Variants in CLEC4A observed in about 807,000 individuals in gnomAD.
The protein encoded by CLEC4A is C-type (calcium dependent, carbohydrate-recognition domain) lectin, superfamily member 6.
In CLEC4A, 27 loss-of-function variants were observed where a neutral mutation model predicts 32.7. That is an observed-to-expected ratio of 0.83 (90% CI 0.61 to 1.14). The LOEUF (loss-of-function observed/expected upper bound fraction) is 1.14. Ranked by LOEUF, CLEC4A falls within the 50% of genes most tolerant of loss-of-function variation. The pLI, the probability that CLEC4A is intolerant of heterozygous loss-of-function variation, is 0.00. For synonymous variants in CLEC4A, 89 were observed against 93.7 expected (o/e 0.95, Z 0.29); for missense variants, 253 against 274.6 (o/e 0.92, Z 0.55).
intron 1 of CLEC4A, among the ~76,000 whole-genome samples, chr12:8,124,673 A>G (rs1333777242): frequency 2.0e-5 from 3 of 152,204 alleles, no homozygotes; most frequent in Admixed American, 6.5e-5. Context: ...GGTCAGGACT[A>G]TAGTTACGCT....
chr12:8,133,143 C>T (rs1020014346), intron 3 of CLEC4A, among the ~76,000 whole-genome samples: 1 of 152,054 alleles, frequency 6.6e-6, no homozygotes, highest in African/African-American at 2.4e-5. Flanking sequence ...TCAAACTTCT[C>T]ATCTCAGGTG....
At chr12:8,111,921 ATATGTGTGTGTGTG>A in the CLEC4A span, among the ~76,000 whole-genome samples, 16 of 109,664 alleles carry the variant, frequency 1.5e-4, no homozygotes, top group South Asian at 2.8e-4. Flanking sequence ...GTGAGTGTGT[ATATGTGTGTGTGTG>A]TGTGTGTGTG....
upstream of CLEC4A, among the ~76,000 whole-genome samples, chr12:8,122,058 T>A (rs1395518646): frequency 6.6e-6 from 1 of 152,010 alleles, no homozygotes; most frequent in East Asian, 1.9e-4. Flanking sequence ...GTCCATGTGG[T>A]GGGGTAGCCC....
Position 8,129,369 on chromosome 12 carries a change from A to C in CLEC4A, c.298+7A>C. On this transcript the variant is annotated splice_region_variant and intron_variant, in intron 3 of 5. Transcript: ENST00000229332. ...AAAAATATGCCCGTGGAAGGTAAAA[A>C]TTAATGTGCCTAGAATTCAGTTGCT... 6.4e-7 allele frequency: 1 copy of C among 1,555,938 alleles called. No individual in the cohort carries two copies. Among genetic ancestry groups the C allele is most frequent in the Non-Finnish European group, 8.9e-7 (1 of 1,129,616 alleles).
chr12:8,125,524 C>A, intron 1 of CLEC4A, 37 bp from the exon 2 acceptor site: 2 of 1,235,390 alleles, frequency 1.6e-6, no homozygotes, highest in Non-Finnish European at 2.4e-6. Flanking sequence ...AAAGACCAAA[C>A]TTATTACTGA....
rs371181779 is a variant in CLEC4A, at chr12:8,134,973, G to GTTTTTTTTTTTTTTTTTT, written c.299-607_299-606insTTTTTTTTTTTTTTTTTT. On this transcript the variant is annotated intron_variant, in intron 3 of 5. Coordinates refer to ENST00000229332, the MANE Select transcript of CLEC4A (RefSeq NM_016184.4). Reference sequence around the variant, plus strand: ...CATGTCTGTATCTTCTTGTTGAAGCGTTTTTGTTTTTTGTTTTTTTTTAAT... The same window carrying GTTTTTTTTTTTTTTTTTT: ...CATGTCTGTATCTTCTTGTTGAAGCGTTTTTTTTTTTTTTTTTTTTTTTGTTTTTTGTTTTTTTTTAAT... The GTTTTTTTTTTTTTTTTTT allele has an allele frequency of 9.7e-5, 31 of 318,846 alleles. 2 individuals are homozygous for GTTTTTTTTTTTTTTTTTT. Among genetic ancestry groups the GTTTTTTTTTTTTTTTTTT allele is most frequent in the African/African-American group, 7.4e-4 (15 of 20,204 alleles). The allele number at this position is 318,846 out of a possible 1,614,324, so 19.8% of individuals were successfully genotyped here. A position where few individuals can be genotyped will look rare whatever the true frequency, so the allele number is the denominator to read the frequency against.
intron 3 of CLEC4A, among the ~76,000 whole-genome samples, chr12:8,132,848 T>C (rs1362737678): frequency 1.3e-5 from 2 of 152,290 alleles, no homozygotes; most frequent in Admixed American, 1.3e-4. Flanking sequence ...TTTACAAGGC[T>C]CTGTTTATTT....
At chr12:8,126,584 T>C (rs1025829973) in intron 2 of CLEC4A, among the ~76,000 whole-genome samples, 18 of 152,088 alleles carry the variant, frequency 1.2e-4, no homozygotes, top group Admixed American at 6.6e-4. Flanking sequence ...ATTTCTTTGG[T>C]CATTTCATAA....
intron 3 of CLEC4A, chr12:8,134,228 T>C: frequency 6.2e-7 from 1 of 1,612,010 alleles, no homozygotes; most frequent in South Asian, 1.1e-5. Context: ...GTCAGCTTCC[T>C]CCACCCACTT....
the CLEC4A span, among the ~76,000 whole-genome samples, chr12:8,111,270 C>G: frequency 3.3e-5 from 5 of 150,552 alleles, no homozygotes; most frequent in East Asian, 9.8e-4. Flanking sequence ...ACCTCTGCCT[C>G]CCAGGTTCAA....
At chr12:8,122,999 C>T (rs1353152656), upstream of CLEC4A, among the ~76,000 whole-genome samples, 1 of 151,964 alleles carries the variant, frequency 6.6e-6, no homozygotes, top group East Asian at 1.9e-4. Context: ...TTCTTCTAGG[C>T]CTTTGGAAAA....
chr12:8,105,019 T>C, the CLEC4A span, among the ~76,000 whole-genome samples: 3 of 152,218 alleles, frequency 2.0e-5, no homozygotes, highest in African/African-American at 7.2e-5. Context: ...CTATTGTGAA[T>C]AGTGCTTCAG....
At chr12:8,134,094 T>G in intron 3 of CLEC4A, 1 of 1,589,828 alleles carries the variant, frequency 6.3e-7, no homozygotes, top group Non-Finnish European at 8.6e-7. Context: ...AGTGTGGGTT[T>G]CGGGCACCGC....
intron 3 of CLEC4A, among the ~76,000 whole-genome samples, chr12:8,133,388 T>C (rs1056381280): frequency 6.6e-6 from 1 of 152,218 alleles, no homozygotes; most frequent in Non-Finnish European, 1.5e-5. Context: ...CAGTTGACAT[T>C]TTCTGTTGTT....
chr12:8,129,471 C>CA, intron 3 of CLEC4A, 109 bp downstream of exon 3: 1 of 755,734 alleles, frequency 1.3e-6, no homozygotes, highest in East Asian at 2.6e-5. Context: ...AGTTGAGTCT[C>CA]ACAATAATTT....
At chr12:8,134,981 T>TC (rs1488392020) in intron 3 of CLEC4A, 21 of 290,792 alleles carry the variant, frequency 7.2e-5, no homozygotes, top group Admixed American at 1.4e-4. Flanking sequence ...GCGTTTTTGT[T>TC]TTTTGTTTTT....
the CLEC4A span, among the ~76,000 whole-genome samples, chr12:8,114,026 C>T: frequency 1.7e-4 from 26 of 152,188 alleles, no homozygotes; most frequent in East Asian, 2.9e-3. Flanking sequence ...ATCCCTGGGA[C>T]GGAAAGCAAG....
intron 1 of CLEC4A, among the ~76,000 whole-genome samples, chr12:8,125,027 C>A (rs2120568427): frequency 6.6e-6 from 1 of 152,148 alleles, no homozygotes; most frequent in South Asian, 2.1e-4. Flanking sequence ...ACTAAAAAGA[C>A]TGACTTTATT....
chr12:8,113,588 C>A, the CLEC4A span, among the ~76,000 whole-genome samples: 1 of 152,272 alleles, frequency 6.6e-6, no homozygotes, highest in South Asian at 2.1e-4. Context: ...GGTACAAAGA[C>A]CAGATTCTCA....
Sources: allele counts gnomAD v4.1 joint callset (sites outside exome capture counted in the v4.1 genomes callset), GRCh38; gene constraint gnomAD v4.1.1; transcripts MANE v1.5; gene names NCBI Gene and HGNC (gene_info 2026-07-23, HGNC 2026-07-21).